MUC17: variants seen among roughly 807,000 people sequenced by gnomAD.
MUC17 encodes mucin 17, cell surface associated, also known as mucin-17.
Under a neutral mutation model 170.3 loss-of-function variants are expected in MUC17, and 190 were observed. That is an observed-to-expected ratio of 1.12 (90% CI 0.99 to 1.26). The LOEUF (loss-of-function observed/expected upper bound fraction) is 1.26. MUC17 is among the 50% of genes most tolerant of loss of function. The pLI is 0.00. For synonymous variants in MUC17, 2,325 were observed against 2,002.5 expected (o/e 1.16, Z -4.30); for missense variants, 6,415 against 5,530.0 (o/e 1.16, Z -5.08).
chr7:101,023,170 C>G (rs148905425), intron 1 of MUC17, among the ~76,000 whole-genome samples: 221 of 152,116 alleles, frequency 1.5e-3, no homozygotes, highest in African/African-American at 4.9e-3. Flanking sequence ...TTTACTTCAT[C>G]TCGCTGTGGG....
chr7:101,024,875 A>T (rs1260640978), intron 1 of MUC17, among the ~76,000 whole-genome samples: 1 of 151,694 alleles, frequency 6.6e-6, no homozygotes, highest in Non-Finnish European at 1.5e-5. Context: ...AAAAAAAGAA[A>T]TCGTTGACCA....
Position 101,048,107 on chromosome 7 carries a change from T to A in MUC17, c.12527T>A (p.Ile4176Asn). The change falls in exon 4 of 13, where the codon ATT becomes AAT. Residue 4176 changes from isoleucine (I) to asparagine (N), a missense_variant. Physicochemically the swap from Ile to Asn is moderately radical, Grantham distance 149. Transcript: ENST00000306151. ...TTGTGTGAGGAGGTGGTCAGCAGCA[T>A]TGACATAGGTGAGTGCAACCCCAGG... is the stretch of plus-strand genomic sequence containing the variant. ...GELCEEVVSS[I>N]DIGPPETISA... is the part of the protein sequence containing the mutation. 6.3e-7 allele frequency: 1 copy of A among 1,598,550 alleles called. No homozygotes were observed.
chr7:101,056,406 A>T, intron 12 of MUC17, 136 bp downstream of exon 12: 1 of 1,363,012 alleles, frequency 7.3e-7, no homozygotes, highest in East Asian at 2.6e-5. Context: ...TCCCAGGTCC[A>T]TACTGCCAGG....
chr7:101,034,430 C>T lies in MUC17; in HGVS notation c.3014C>T (p.Thr1005Ile), dbSNP rs1421514625. The T allele has an allele frequency of 2.5e-6, 4 of 1,607,830 alleles. No homozygotes were observed. Among genetic ancestry groups the T allele is most frequent in the African/African-American group, 2.7e-5 (2 of 74,460 alleles). ...VANSEASTLS[T>I]TPVDSNTPLT... ...AATTCTGAGGCTAGCACCCTTTCAA[C>T]AACTCCTGTTGACTCCAACACTCCT... Residue 1005 changes from threonine (T) to isoleucine (I), a missense_variant, in exon 3 of 13, where the codon ACA becomes ATA. By Grantham distance (89) the Thr-to-Ile change is moderately conservative. Transcript: ENST00000306151.
At chr7:101,054,220 G>T (rs1242961202) in intron 11 of MUC17, among the ~76,000 whole-genome samples, 2 of 152,134 alleles carry the variant, frequency 1.3e-5, no homozygotes, top group Non-Finnish European at 2.9e-5. Context: ...GTGAGACCCT[G>T]GATGGGGCAT....
Position 101,036,389 on chromosome 7 carries a change from C to T in MUC17, c.4973C>T (p.Ser1658Phe). The change falls in exon 3 of 13, where the codon TCC (serine) becomes TTC (phenylalanine). Residue 1658 changes from serine (S) to phenylalanine (F), a missense_variant. Coordinates refer to ENST00000306151, the MANE Select transcript of MUC17 (RefSeq NM_001040105.2). ...ASTLSTTPVD[S>F]NSPVITSTEV... ...ACCCTTTCAACAACTCCTGTTGACT[C>T]CAACAGTCCTGTGATCACTTCTACT... 1.2e-6 allele frequency: 2 copies of T among 1,612,168 alleles called. No homozygotes were observed. Among genetic ancestry groups the T allele is most frequent in the Non-Finnish European group, 1.7e-6 (2 of 1,179,366 alleles).
intron 1 of MUC17, among the ~76,000 whole-genome samples, chr7:101,022,976 C>A (rs1015062634): frequency 6.6e-6 from 1 of 152,150 alleles, no homozygotes; most frequent in African/African-American, 2.4e-5. Context: ...AATCTCCGTG[C>A]CTTACAATAA....
Position 101,036,515 on chromosome 7 carries a change from C to T in MUC17, c.5099C>T (p.Thr1700Ile). The T allele has an allele frequency of 1.2e-6, 2 of 1,610,670 alleles. No individual in the cohort carries two copies. Among genetic ancestry groups the T allele is most frequent in the East Asian group, 2.2e-5 (1 of 44,634 alleles). ...TTAACAAGTATAACTGTCAGAACAACACCGGTGGCCAGCTCTGCAATCAGC... is the reference window on the plus strand; with the variant it reads ...TTAACAAGTATAACTGTCAGAACAATACCGGTGGCCAGCTCTGCAATCAGC... ...TPLTSITVRT[T>I]PVASSAISTL... is the part of the protein sequence containing the mutation. Residue 1700 changes from threonine to isoleucine, a missense_variant, in exon 3 of 13, where the codon ACA becomes ATA. By Grantham distance (89) the Thr-to-Ile change is moderately conservative (BLOSUM62 -1). Transcript: ENST00000306151.
Position 101,032,649 on chromosome 7 carries a change from C to A in MUC17, c.1233C>A (p.Ser411Arg), listed in dbSNP as rs954265037. Residue 411 changes from serine (S) to arginine (R), a missense_variant, in exon 3 of 13, where the codon AGC becomes AGA. Ser to Arg is a moderately radical substitution (Grantham distance 110). Coordinates refer to ENST00000306151, the MANE Select transcript of MUC17 (RefSeq NM_001040105.2). The part of the protein sequence containing the change: ...STILVASSEA[S>R]TTSTIPVDSK... Reference sequence around the variant, plus strand: ...TATTGGTGGCCAGTTCTGAGGCTAGCACCACTTCAACAATTCCTGTTGACT... The same window carrying A: ...TATTGGTGGCCAGTTCTGAGGCTAGAACCACTTCAACAATTCCTGTTGACT... 4 of 1,613,008 alleles carry A rather than the reference C, an allele frequency of 2.5e-6. No homozygotes were observed. Among genetic ancestry groups the A allele is most frequent in the Non-Finnish European group, 3.4e-6 (4 of 1,179,372 alleles).
At position 101,039,870 on chromosome 7, in the gene MUC17, C is replaced by T. The variant is rs369914364; in HGVS notation, c.8454C>T (p.Asn2818=). ...TSTPLTSMPV[N]HTPVASSEAG... ...CTCCATTAACTAGTATGCCTGTCAA[C>T]CACACGCCAGTGGCCAGTTCTGAGG... The change falls in exon 3 of 13, where the codon AAC becomes AAT. Residue 2818 remains asparagine, a synonymous_variant. Coordinates refer to ENST00000306151, the MANE Select transcript of MUC17 (RefSeq NM_001040105.2). The T allele has an allele frequency of 2.2e-5, 35 of 1,612,308 alleles. No homozygotes were observed. The highest frequency in any genetic ancestry group is 3.0e-5 in the Non-Finnish European group (35 of 1,179,568).
At chr7:101,053,537 G>T in intron 11 of MUC17, 101 bp downstream of exon 11, 2 of 869,182 alleles carry the variant, frequency 2.3e-6, no homozygotes, top group Non-Finnish European at 3.7e-6. Context: ...AAAGGCCAAG[G>T]CAGGAGTATT....
rs372535287 is a variant in MUC17, at chr7:101,040,817, C to T, written c.9401C>T (p.Thr3134Ile). Residue 3134 changes from threonine to isoleucine, a missense_variant, in exon 3 of 13, where the codon ACA becomes ATA. Coordinates refer to ENST00000306151, the MANE Select transcript of MUC17 (RefSeq NM_001040105.2). The part of the protein sequence containing the change: ...TLSTTPVDTS[T>I]PVTTSTEAHS... ...TCAACAACTCCTGTTGACACCAGCA[C>T]ACCTGTGACCACTTCTACTGAAGCC... 33 of 1,609,018 alleles carry T rather than the reference C, an allele frequency of 2.1e-5. No individual in the cohort carries two copies. Among genetic ancestry groups the T allele is most frequent in the Non-Finnish European group, 2.6e-5 (31 of 1,177,102 alleles).
intron 4 of MUC17, 130 bp downstream of exon 4, chr7:101,048,245 T>C: frequency 2.4e-6 from 2 of 820,142 alleles, no homozygotes; most frequent in South Asian, 3.3e-5. Flanking sequence ...GTTTTTTGTT[T>C]TGTTTTGTTT....
intron 9 of MUC17, 107 bp from the exon 10 acceptor site, chr7:101,052,879 C>G: frequency 7.4e-7 from 1 of 1,348,336 alleles, no homozygotes. Context: ...CCCTGGCAAT[C>G]TCTTCTTGCC....
rs746393701 is a variant in MUC17 at position 101,031,585 on chromosome 7, A to G, written c.185-16A>G. On this transcript the variant is annotated splice_polypyrimidine_tract_variant and intron_variant, in intron 2 of 12. Coordinates refer to ENST00000306151, the MANE Select transcript of MUC17 (RefSeq NM_001040105.2). ...CTAAGAAACTTCTAAACAAAATATC[A>G]TTGTATCTTAAACAGGTTCTGCGGC... 1 of 1,515,802 alleles carries G rather than the reference A, an allele frequency of 6.6e-7. No homozygotes were observed. Among genetic ancestry groups the G allele is most frequent in the Non-Finnish European group, 8.8e-7 (1 of 1,133,906 alleles). The allele number at this position is 1,515,802 out of a possible 1,614,324, so 93.9% of individuals were successfully genotyped here. A position where few individuals can be genotyped will look rare whatever the true frequency, so the allele number is the denominator to read the frequency against.
intron 5 of MUC17, 48 bp downstream of exon 5, chr7:101,049,020 G>A (rs779727722): frequency 1.2e-6 from 2 of 1,613,088 alleles, no homozygotes; most frequent in South Asian, 1.1e-5. Context: ...TCCCCCCAGA[G>A]CAGAGTCTGT....
rs1472746402 is a variant in MUC17, at chr7:101,042,717, G to A, written c.11301G>A (p.Arg3767=). Residue 3767 remains arginine, a synonymous_variant, in exon 3 of 13, where the codon AGG becomes AGA. Transcript: ENST00000306151. The part of the protein sequence containing the change: ...TILVSTTPVT[R]FPESSTPSIP... ...TTGTCAGTACCACACCTGTTACGAG[G>A]TTTCCTGAGAGTAGCACCCCTTCCA... 1 of 1,613,700 alleles carries A rather than the reference G, an allele frequency of 6.2e-7. No individual in the cohort carries two copies. Among genetic ancestry groups the A allele is most frequent in the East Asian group, 2.2e-5 (1 of 44,876 alleles).
chr7:101,048,291 C>A, intron 4 of MUC17, 176 bp downstream of exon 4: 2 of 544,138 alleles, frequency 3.7e-6, no homozygotes, highest in South Asian at 6.3e-5. Context: ...AATGCTAAAG[C>A]ATTACAAAAT....
At chr7:101,025,832 C>T (rs918324561) in intron 1 of MUC17, among the ~76,000 whole-genome samples, 3 of 151,300 alleles carry the variant, frequency 2.0e-5, no homozygotes, top group Non-Finnish European at 4.4e-5. Context: ...GTGATGCATG[C>T]CTGTAGTCCC....
Sources: allele counts gnomAD v4.1 joint callset (sites outside exome capture counted in the v4.1 genomes callset), GRCh38; gene constraint gnomAD v4.1.1; transcripts MANE v1.5; gene names NCBI Gene and HGNC (gene_info 2026-07-23, HGNC 2026-07-21).